C5orf52: variants seen among roughly 807,000 people sequenced by gnomAD.
C5orf52 encodes chromosome 5 open reading frame 52, also known as uncharacterized protein C5orf52.
In C5orf52, 15 loss-of-function variants were observed where a neutral mutation model predicts 16.8. The ratio of observed to expected loss-of-function variants is 0.89; its 90% CI spans 0.60 to 1.38. The LOEUF (loss-of-function observed/expected upper bound fraction) is 1.38. C5orf52 is among the 40% of genes most tolerant of loss of function. C5orf52 has a pLI of 0.00. For missense variants in C5orf52, 206 were observed against 213.1 expected (o/e 0.97, Z 0.21); for synonymous variants, 83 against 87.2 (o/e 0.95, Z 0.27).
At chr5:157,676,637 C>G (rs909131541) in intron 2 of C5orf52, among the ~76,000 whole-genome samples, 2 of 152,178 alleles carry the variant, frequency 1.3e-5, no homozygotes, top group Non-Finnish European at 2.9e-5. Context: ...CCAGACTCTG[C>G]TTTCTCATTT....
At chr5:157,679,457 C>G (rs1318974831) in intron 2 of C5orf52, among the ~76,000 whole-genome samples, 1 of 152,160 alleles carries the variant, frequency 6.6e-6, no homozygotes, top group African/African-American at 2.4e-5. Flanking sequence ...CTGCCTCAGC[C>G]TCCCGAGTAG....
Position 157,680,118 on chromosome 5 carries a change from GAAC to G in C5orf52, c.*122_*124del, listed in dbSNP as rs1759978846. On this transcript the variant is annotated 3_prime_UTR_variant, in exon 3 of 3. Transcript: ENST00000409999. ...AGTAACTACAACCTACACAACTGTA[GAAC>G]AATAAACAGAAACCAGCAGACAGCG... 1 of 920,978 alleles carries G rather than the reference GAAC, an allele frequency of 1.1e-6. No homozygotes were observed. The highest frequency in any genetic ancestry group is 1.6e-6 in the Non-Finnish European group (1 of 617,700). 57.1% of individuals were successfully genotyped at this position (920,978 alleles called of 1,614,324 possible).
At chr5:157,676,874 T>TTC (rs1554091301) in intron 2 of C5orf52, among the ~76,000 whole-genome samples, 3 of 142,038 alleles carry the variant, frequency 2.1e-5, no homozygotes, top group African/African-American at 8.1e-5. Context: ...TTTTTTTCTT[T>TTC]TTTTTTTTTT....
intron 1 of C5orf52, among the ~76,000 whole-genome samples, chr5:157,674,006 C>T (rs1331546997): frequency 1.3e-5 from 2 of 152,146 alleles, no homozygotes; most frequent in South Asian, 2.1e-4. Context: ...AAGACTACTT[C>T]GTGGTGTAAC....
At chr5:157,671,333 A>T, upstream of C5orf52, 1 of 480,436 alleles carries the variant, frequency 2.1e-6, no homozygotes, top group Non-Finnish European at 3.7e-6. Flanking sequence ...AGCTCACCGC[A>T]CCCCACTTCT....
chr5:157,676,917 G>A (rs907188639), intron 2 of C5orf52, among the ~76,000 whole-genome samples: 86 of 144,350 alleles, frequency 6.0e-4, no homozygotes, highest in African/African-American at 2.2e-3. Context: ...TGCTCAGGCT[G>A]GAGGGCAGTG....
At chr5:157,678,906 G>A (rs898547453) in intron 2 of C5orf52, among the ~76,000 whole-genome samples, 18 of 151,982 alleles carry the variant, frequency 1.2e-4, no homozygotes, top group African/African-American at 3.4e-4. Context: ...AGGCCGAAGC[G>A]GGTGGATCAC....
chr5:157,677,482 C>T (rs533509693), intron 2 of C5orf52, among the ~76,000 whole-genome samples: 106 of 151,980 alleles, frequency 7.0e-4, no homozygotes, highest in Middle Eastern at 3.4e-3. Flanking sequence ...ACGGAGAAAC[C>T]CCTCTCTACT....
At chr5:157,672,177 C>T (rs1190324716) in intron 1 of C5orf52, among the ~76,000 whole-genome samples, 3 of 152,136 alleles carry the variant, frequency 2.0e-5, no homozygotes, top group Non-Finnish European at 2.9e-5. Context: ...AGCCCTGACT[C>T]TTAGAACCTG....
In C5orf52 at chr5:157,679,979, G is replaced by T; in HGVS notation, c.460G>T (p.Gly154Trp). The T allele has an allele frequency of 1.3e-6, 2 of 1,551,328 alleles. No homozygotes were observed. Among genetic ancestry groups the T allele is most frequent in the Non-Finnish European group, 1.7e-6 (2 of 1,146,942 alleles). ...SVNSNRYLTF[G>W]IPPPV is the part of the protein sequence containing the mutation. Reference sequence around the variant, plus strand: ...GAACAGCAACCGGTACTTAACCTTCGGGATACCACCACCAGTTTAAACTCC... The same window carrying T: ...GAACAGCAACCGGTACTTAACCTTCTGGATACCACCACCAGTTTAAACTCC... Residue 154 changes from glycine to tryptophan, a missense_variant, in exon 3 of 3, where the codon GGG becomes TGG. Gly to Trp is a radical substitution (Grantham distance 184). Coordinates refer to ENST00000409999, the MANE Select transcript of C5orf52 (RefSeq NM_001145132.2).
chr5:157,679,431 G>T (rs1005522173), intron 2 of C5orf52, among the ~76,000 whole-genome samples: 2 of 152,030 alleles, frequency 1.3e-5, no homozygotes, highest in African/African-American at 4.8e-5. Flanking sequence ...CCACCTCCTG[G>T]GTTCAAGCAA....
At position 157,679,924 on chromosome 5, in the gene C5orf52, A is replaced by G; in HGVS notation, c.405A>G (p.Arg135=). Residue 135 remains arginine, a synonymous_variant, in exon 3 of 3, where the codon AGA becomes AGG. Transcript: ENST00000409999. ...LKKKFMTEQL[R]KLGRWREESV... is the part of the protein sequence containing the mutation. Reference sequence around the variant, plus strand: ...AAAAGTTCATGACAGAGCAGCTCAGAAAGCTCGGGCGATGGAGAGAGGAAT... The same window carrying G: ...AAAAGTTCATGACAGAGCAGCTCAGGAAGCTCGGGCGATGGAGAGAGGAAT... The G allele has an allele frequency of 6.4e-7, 1 of 1,551,802 alleles. No individual in the cohort carries two copies. Among genetic ancestry groups the G allele is most frequent in the Non-Finnish European group, 8.7e-7 (1 of 1,147,014 alleles).
At chr5:157,679,314 A>G (rs1759965100) in intron 2 of C5orf52, among the ~76,000 whole-genome samples, 1 of 152,044 alleles carries the variant, frequency 6.6e-6, no homozygotes. Context: ...GGGGGACAGG[A>G]CAGAAGTTAT....
intron 2 of C5orf52, 66 bp downstream of exon 2, chr5:157,675,266 C>G: frequency 2.1e-6 from 2 of 959,774 alleles, no homozygotes; most frequent in East Asian, 2.6e-5. Context: ...ATTTCATTCT[C>G]CCTATATGCT....
intron 1 of C5orf52, 34 bp from the exon 2 acceptor site, chr5:157,675,058 T>C (rs1759870284): frequency 6.9e-7 from 1 of 1,440,338 alleles, no homozygotes; most frequent in East Asian, 2.5e-5. Context: ...CCCAACCGTC[T>C]GTAACCTGTG....
intron 1 of C5orf52, among the ~76,000 whole-genome samples, chr5:157,672,080 A>C (rs189814874): frequency 2.8e-3 from 423 of 149,918 alleles, no homozygotes; most frequent in African/African-American, 9.2e-3. Context: ...TCAGAATGAC[A>C]TCTCCACTGA....
rs1010335880 is a variant in C5orf52, at chr5:157,680,075, T to C, written c.*76T>C. ...TGCCCCAGGGTCACGATGACACCAGTGTGACCCGAGGAGAACTAGTAACTA... is the reference window on the plus strand; with the variant it reads ...TGCCCCAGGGTCACGATGACACCAGCGTGACCCGAGGAGAACTAGTAACTA... On this transcript the variant is annotated 3_prime_UTR_variant, in exon 3 of 3. Coordinates refer to ENST00000409999, the MANE Select transcript of C5orf52 (RefSeq NM_001145132.2). 9 of 1,375,574 alleles carry C rather than the reference T, an allele frequency of 6.5e-6. No homozygotes were observed. The highest frequency in any genetic ancestry group is 7.9e-6 in the Non-Finnish European group (8 of 1,016,754). The allele number at this position is 1,375,574 out of a possible 1,614,324, so 85.2% of individuals were successfully genotyped here. A position where few individuals can be genotyped will look rare whatever the true frequency, so the allele number is the denominator to read the frequency against.
intron 1 of C5orf52, among the ~76,000 whole-genome samples, chr5:157,672,213 G>C (rs1044183472): frequency 6.6e-6 from 1 of 151,976 alleles, no homozygotes; most frequent in Non-Finnish European, 1.5e-5. Flanking sequence ...TCCCAAGTTC[G>C]AATCCGTCTC....
chr5:157,679,280 G>T (rs959786425), intron 2 of C5orf52, among the ~76,000 whole-genome samples: 1 of 152,124 alleles, frequency 6.6e-6, no homozygotes, highest in Non-Finnish European at 1.5e-5. Context: ...TAGGATGTTG[G>T]CTTCCCACAC....
Sources: allele counts gnomAD v4.1 joint callset (sites outside exome capture counted in the v4.1 genomes callset), GRCh38; gene constraint gnomAD v4.1.1; transcripts MANE v1.5; gene names NCBI Gene and HGNC (gene_info 2026-07-23, HGNC 2026-07-21).